Variants in IL1RAPL2 observed in about 807,000 individuals in gnomAD.
IL1RAPL2 encodes the protein interleukin 1 receptor accessory protein like 2, also known as X-linked interleukin-1 receptor accessory protein-like 2.
In IL1RAPL2, 3 loss-of-function variants were observed where a neutral mutation model predicts 44.1. The observed-to-expected ratio is 0.07, with a 90% CI of 0.03 to 0.18. The LOEUF is 0.18. Among genes scored for constraint, IL1RAPL2 ranks in the 10% least tolerant of loss-of-function variants. IL1RAPL2 has a pLI of 1.00. For synonymous variants in IL1RAPL2, 181 were observed against 178.8 expected, an observed-to-expected ratio of 1.01 and a Z score of -0.10; for missense variants, 391 against 496.4, an observed-to-expected ratio of 0.79 and a Z score of 2.02.
At chrX:104,951,027 C>A in intron 2 of IL1RAPL2, among the ~76,000 whole-genome samples, 1 of 112,117 alleles carries the variant, frequency 8.9e-6, no homozygotes, top group South Asian at 3.7e-4. Flanking sequence ...ATGCCTCGCC[C>A]TGCTTCGGCT....
At chrX:105,405,506 G>C in intron 5 of IL1RAPL2, 2 of 440,567 alleles carry the variant, frequency 4.5e-6, no homozygotes, top group Non-Finnish European at 8.1e-6. Flanking sequence ...TGAATCCCAG[G>C]TTTTAGCCAA....
intron 5 of IL1RAPL2, among the ~76,000 whole-genome samples, chrX:105,338,620 G>A (rs1028806948): frequency 1.8e-5 from 2 of 111,698 alleles, no homozygotes; most frequent in Non-Finnish European, 3.8e-5. Flanking sequence ...CTATGGTGAG[G>A]CCAAGGGGAG....
chrX:105,408,387 G>C (rs914041932), intron 5 of IL1RAPL2, among the ~76,000 whole-genome samples: 22 of 110,701 alleles, frequency 2.0e-4, no homozygotes, highest in African/African-American at 6.9e-4. Context: ...GTGTCCAAAT[G>C]GGTTCTGAAT....
At chrX:104,847,011 G>C (rs1922069937) in intron 2 of IL1RAPL2, among the ~76,000 whole-genome samples, 1 of 112,047 alleles carries the variant, frequency 8.9e-6, no homozygotes, top group Non-Finnish European at 1.9e-5. Flanking sequence ...AGAAGTGTCT[G>C]TTCATATCCT....
intron 6 of IL1RAPL2, among the ~76,000 whole-genome samples, chrX:105,485,469 A>G (rs2036259267): frequency 9.0e-6 from 1 of 110,964 alleles, no homozygotes; most frequent in South Asian, 3.8e-4. Flanking sequence ...CAGTCCGGTT[A>G]TAATATTTTA....
At chrX:105,157,581 A>G (rs1422907903) in intron 2 of IL1RAPL2, among the ~76,000 whole-genome samples, 1 of 112,212 alleles carries the variant, frequency 8.9e-6, no homozygotes, top group Non-Finnish European at 1.9e-5. Flanking sequence ...CAATGGTCCA[A>G]TTAGTTGTGG....
In IL1RAPL2 at chrX:105,348,625, T is replaced by G. The variant is rs771130941; in HGVS notation, c.697+81084T>G. Among the ~76,000 whole-genome samples the G allele has an allele frequency of 4.5e-5, 5 of 111,633 alleles. No individual in the cohort carries two copies. In the East Asian group the frequency reaches 1.4e-3, roughly 32 times the overall value. ...GCCAGGGGTTCAGTGTAGCTCCCAT[T>G]GCTCACTTCACAGAGAGCCAATCAC... On this transcript the variant is annotated intron_variant, in intron 5 of 10. Coordinates refer to ENST00000372582, the MANE Select transcript of IL1RAPL2 (RefSeq NM_017416.2).
chrX:105,572,604 T>G (rs1374535895), intron 6 of IL1RAPL2, among the ~76,000 whole-genome samples: 1 of 112,073 alleles, frequency 8.9e-6, no homozygotes, highest in Non-Finnish European at 1.9e-5. Context: ...AGCATAGTCT[T>G]TTAGTTCAAG....
intron 2 of IL1RAPL2, among the ~76,000 whole-genome samples, chrX:104,724,568 A>G (rs1481878960): frequency 3.6e-5 from 4 of 111,555 alleles, no homozygotes; most frequent in Admixed American, 9.6e-5. Flanking sequence ...CTCAGCAAAC[A>G]TCAAGCATAT....
chrX:105,419,311 T>C (rs1365550710), intron 5 of IL1RAPL2, among the ~76,000 whole-genome samples: 1 of 111,889 alleles, frequency 8.9e-6, no homozygotes, highest in South Asian at 3.7e-4. Flanking sequence ...ACCACAAGGT[T>C]TACATTTATA....
At chrX:105,299,973 A>G (rs1034780311) in intron 5 of IL1RAPL2, among the ~76,000 whole-genome samples, 1 of 111,612 alleles carries the variant, frequency 9.0e-6, no homozygotes, top group African/African-American at 3.3e-5. Flanking sequence ...GATAGGGACC[A>G]TAATCAGGAT....
At chrX:105,404,516 T>G (rs1043605366) in intron 5 of IL1RAPL2, among the ~76,000 whole-genome samples, 2 of 111,919 alleles carry the variant, frequency 1.8e-5, no homozygotes, top group African/African-American at 3.3e-5. Context: ...AAATTTTCTG[T>G]TCTCCCTCCC....
intron 2 of IL1RAPL2, among the ~76,000 whole-genome samples, chrX:105,032,377 T>A (rs1194363046): frequency 9.2e-6 from 1 of 108,850 alleles, no homozygotes; most frequent in Non-Finnish European, 1.9e-5. Context: ...GCTATAAATT[T>A]CCCTCTACAC....
chrX:105,363,307 TAATATA>T (rs1243556128), intron 5 of IL1RAPL2, among the ~76,000 whole-genome samples: 164 of 71,926 alleles, frequency 2.3e-3, no homozygotes, highest in African/African-American at 0.021. Context: ...TATATATATA[TAATATA>T]TATATATATA....
intron 2 of IL1RAPL2, among the ~76,000 whole-genome samples, chrX:104,801,348 G>C: frequency 9.0e-6 from 1 of 111,616 alleles, no homozygotes; most frequent in Middle Eastern, 4.7e-3. Context: ...AGAGGACCGT[G>C]GCTAGTCTCT....
chrX:105,694,820 T>C (rs2038063776), intron 6 of IL1RAPL2, among the ~76,000 whole-genome samples: 2 of 111,757 alleles, frequency 1.8e-5, no homozygotes, highest in Non-Finnish European at 3.8e-5. Context: ...CAGATCCAAA[T>C]AAGCCACTTT....
intron 2 of IL1RAPL2, among the ~76,000 whole-genome samples, chrX:104,962,104 G>T (rs746015428): frequency 1.2e-4 from 14 of 112,265 alleles, no homozygotes; most frequent in Non-Finnish European, 1.3e-4. Flanking sequence ...TTCAGAGCTG[G>T]AGGGCTTAGT....
intron 2 of IL1RAPL2, among the ~76,000 whole-genome samples, chrX:104,825,264 T>A (rs1921421963): frequency 8.9e-6 from 1 of 111,969 alleles, no homozygotes; most frequent in Admixed American, 9.5e-5. Flanking sequence ...AAATAAGGTA[T>A]GGCCCTGATA....
At chrX:104,580,936 C>T (rs1404780404) in intron 1 of IL1RAPL2, among the ~76,000 whole-genome samples, 1 of 112,100 alleles carries the variant, frequency 8.9e-6, no homozygotes, top group Admixed American at 9.5e-5. Flanking sequence ...CCTTTAGGTG[C>T]CTTTGAATCC....
Sources: gnomAD v4.1 joint callset for allele counts (sites outside exome capture counted in the v4.1 genomes callset) on GRCh38, gnomAD v4.1.1 for gene constraint, MANE v1.5 for transcripts, NCBI Gene and HGNC (gene_info 2026-07-23, HGNC 2026-07-21) for gene names.